The following POU6F2 variants were observed in gnomAD, a reference collection of about 807,000 sequenced individuals.
The protein encoded by POU6F2 is POU domain, class 6, transcription factor 2.
Under a neutral mutation model 71.3 loss-of-function variants are expected in POU6F2, and 31 were observed. The ratio of observed to expected loss-of-function variants is 0.43; its 90% confidence interval spans 0.33 to 0.59. The LOEUF (loss-of-function observed/expected upper bound fraction) is 0.59. Ranked by LOEUF, POU6F2 falls within the 20% of genes least tolerant of loss-of-function variation. The probability of loss-of-function intolerance (pLI) is 0.04; values close to 1 mark genes in which losing one functional copy is unlikely to be tolerated. For synonymous variants in POU6F2, 347 were observed against 355.7 expected (o/e 0.98, Z 0.27); for missense variants, 783 against 856.8 (o/e 0.91, Z 1.07).
intron 4 of POU6F2, among the ~76,000 whole-genome samples, chr7:39,317,050 G>C (rs567496688): frequency 5.3e-5 from 8 of 152,328 alleles, no homozygotes; most frequent in African/African-American, 1.9e-4. Context: ...AGAATCAGGA[G>C]CTCACCTTCC....
rs367764535 is a variant in POU6F2, at chr7:39,179,404, T to G, written c.278-24831T>G. Among the ~76,000 whole-genome samples the G allele has an allele frequency of 4.6e-5, 7 of 152,360 alleles. No homozygotes were observed. The East Asian group carries it at 9.6e-4, about 21-fold the overall frequency. ...TAGTGGTATCCTCCTCTCTCCTAGC[T>G]AGGGTTGCTGTGGGGGTTAACTGGG... is the stretch of plus-strand genomic sequence containing the variant. On this transcript the variant is annotated intron_variant, in intron 2 of 9. Transcript: ENST00000518318.
chr7:39,028,545 T>C (rs781577930), intron 1 of POU6F2, among the ~76,000 whole-genome samples: 1 of 152,144 alleles, frequency 6.6e-6, no homozygotes, highest in Non-Finnish European at 1.5e-5. Flanking sequence ...AATGTCCTTA[T>C]AACTTTTAAA....
In POU6F2 at chr7:39,297,253, G is replaced by T. The variant is rs140897496; in HGVS notation, c.599-42389G>T. Among the ~76,000 whole-genome samples, 340 of 137,862 alleles carry T rather than the reference G, an allele frequency of 2.5e-3. 1 individual carries two copies. The highest frequency in any genetic ancestry group is 4.2e-3 in the Non-Finnish European group (267 of 63,450). The allele number at this position is 137,862 out of a possible 152,430, so 90.4% of individuals were successfully genotyped here. A position where few individuals can be genotyped will look rare whatever the true frequency, so the allele number is the denominator to read the frequency against. On this transcript the variant is annotated intron_variant, in intron 4 of 9. Transcript: ENST00000518318. ...CACACACACATGAATTCACATATAC[G>T]TGCACATTTTTTTCCTGGACTGAAT... is the stretch of plus-strand genomic sequence containing the variant.
intron 4 of POU6F2, among the ~76,000 whole-genome samples, chr7:39,218,473 G>T (rs1172199228): frequency 6.6e-6 from 1 of 152,140 alleles, no homozygotes; most frequent in Non-Finnish European, 1.5e-5. Context: ...TGTAATTCTT[G>T]CAGGGTAGAT....
At chr7:39,377,861 A>T (rs899744376) in intron 5 of POU6F2, among the ~76,000 whole-genome samples, 2 of 152,210 alleles carry the variant, frequency 1.3e-5, no homozygotes, top group Non-Finnish European at 1.5e-5. Context: ...AGTTACTTTT[A>T]AAAATAACCT....
At chr7:39,200,504 A>G (rs1461394797) in intron 2 of POU6F2, among the ~76,000 whole-genome samples, 8 of 152,154 alleles carry the variant, frequency 5.3e-5, no homozygotes, top group Non-Finnish European at 1.2e-4. Context: ...CTTGCTTTGT[A>G]GGCTCTTCAG....
chr7:39,410,857 A>T (rs1438402543), intron 6 of POU6F2, among the ~76,000 whole-genome samples: 1 of 152,188 alleles, frequency 6.6e-6, no homozygotes, highest in African/African-American at 2.4e-5. Context: ...GTACAAGCAA[A>T]AAGAAAGAGT....
chr7:39,440,240 T>A (rs1240601193), intron 7 of POU6F2, among the ~76,000 whole-genome samples: 3 of 152,222 alleles, frequency 2.0e-5, no homozygotes, highest in Non-Finnish European at 4.4e-5. Flanking sequence ...TCTTGCTAGG[T>A]TGGGGAAGTT....
intron 4 of POU6F2, among the ~76,000 whole-genome samples, chr7:39,297,196 T>TACACACACAC (rs61192418): frequency 0.014 from 1,981 of 139,064 alleles, 20 homozygotes; most frequent in East Asian, 0.023. Context: ...CACATACACA[T>TACACACACAC]ACACACACAC....
At chr7:39,097,042 T>C (rs1791468749) in intron 2 of POU6F2, among the ~76,000 whole-genome samples, 1 of 152,212 alleles carries the variant, frequency 6.6e-6, no homozygotes, top group South Asian at 2.1e-4. Context: ...ATTTTCAATA[T>C]AAATTTAATT....
chr7:39,192,300 T>C (rs1793685892), intron 2 of POU6F2, among the ~76,000 whole-genome samples: 1 of 152,210 alleles, frequency 6.6e-6, no homozygotes, highest in Non-Finnish European at 1.5e-5. Context: ...TTTTGGAGTA[T>C]CTGTGTAGAA....
At chr7:39,001,426 T>C (rs944604805) in intron 1 of POU6F2, among the ~76,000 whole-genome samples, 1 of 152,162 alleles carries the variant, frequency 6.6e-6, no homozygotes. Flanking sequence ...CTAGCTTGCA[T>C]TGTAGACAAG....
chr7:39,454,812 TTGTCAAAGAC>T (rs1788762865), intron 8 of POU6F2, among the ~76,000 whole-genome samples: 1 of 148,542 alleles, frequency 6.7e-6, no homozygotes, highest in Admixed American at 6.8e-5. Flanking sequence ...CTCCACGTCG[TTGTCAAAGAC>T]TGTCATCCTA....
chr7:39,264,166 C>A (rs1043516723), intron 4 of POU6F2, among the ~76,000 whole-genome samples: 1 of 152,184 alleles, frequency 6.6e-6, no homozygotes, highest in Non-Finnish European at 1.5e-5. Context: ...CCACTTCTAC[C>A]TGGGCTGTGT....
Position 39,080,951 on chromosome 7 carries a change from G to A in POU6F2, c.106-4909G>A, listed in dbSNP as rs189062069. ...TTTATGTGGTATTATTTTTAGCAGC[G>A]TGGTTAAAAAAACACAAAGCCCAAG... On this transcript the variant is annotated intron_variant, in intron 1 of 9. Coordinates refer to ENST00000518318, the MANE Select transcript of POU6F2 (RefSeq NM_001370959.1). Among the ~76,000 whole-genome samples the A allele has an allele frequency of 1.8e-4, 27 of 152,048 alleles. No homozygotes were observed. In the East Asian group the frequency reaches 2.5e-3, roughly 14 times the overall value.
Position 39,185,968 on chromosome 7 carries a change from C to T in POU6F2, c.278-18267C>T, listed in dbSNP as rs573927047. 2.0e-5 allele frequency among the ~76,000 whole-genome samples: 3 copies of T among 151,838 alleles called. No homozygotes were observed. In the East Asian group the frequency reaches 5.8e-4, roughly 29 times the overall value. On this transcript the variant is annotated intron_variant, in intron 2 of 9. Transcript: ENST00000518318. ...CTCTGTTGCCCAGGGTGGAGTGCAG[C>T]AGCACGATCTTGGCTCACTGCAATC...
At position 39,204,266 on chromosome 7, in the gene POU6F2, A is replaced by G. The variant is rs199994299; in HGVS notation, c.309A>G (p.Pro103=). 1 of 1,613,866 alleles carries G rather than the reference A, an allele frequency of 6.2e-7. No individual in the cohort carries two copies. The highest frequency in any genetic ancestry group is 8.5e-7 in the Non-Finnish European group (1 of 1,179,820). The change falls in exon 3 of 10, where the codon CCA becomes CCG. Residue 103 remains proline, a synonymous_variant. Transcript: ENST00000518318. ...GAGGAAACCCAGCATTATCAGACCC[A>G]GGCACTCCTGACCAACACCAGGCCA... ...GARGNPALSD[P]GTPDQHQASQ...
chr7:39,309,075 CTGTT>C (rs1423692398), intron 4 of POU6F2, among the ~76,000 whole-genome samples: 6 of 152,218 alleles, frequency 3.9e-5, no homozygotes, highest in Non-Finnish European at 8.8e-5. Context: ...ACCCACCCTC[CTGTT>C]TGTTTGCCCC....
chr7:39,295,950 T>G (rs1050498870), intron 4 of POU6F2, among the ~76,000 whole-genome samples: 1 of 152,206 alleles, frequency 6.6e-6, no homozygotes, highest in African/African-American at 2.4e-5. Flanking sequence ...CTTCACACTT[T>G]AGCAGAAATT....
Sources: allele counts gnomAD v4.1 joint callset (sites outside exome capture counted in the v4.1 genomes callset), GRCh38; gene constraint gnomAD v4.1.1; transcripts MANE v1.5; gene names NCBI Gene and HGNC (gene_info 2026-07-23, HGNC 2026-07-21).